The following KCNQ1 variants were observed in gnomAD, a reference collection of about 807,000 sequenced individuals.
The protein encoded by KCNQ1 is potassium voltage-gated channel subfamily Q member 1.
In KCNQ1, 49 loss-of-function variants were observed where a neutral mutation model predicts 72.4. The ratio of observed to expected loss-of-function variants is 0.68; its 90% confidence interval spans 0.54 to 0.86. The LOEUF is 0.86. Among genes scored for constraint, KCNQ1 ranks in the 40% least tolerant of loss-of-function variants. The probability of loss-of-function intolerance (pLI) is 0.00; values close to 1 mark genes in which losing one functional copy is unlikely to be tolerated. For synonymous variants in KCNQ1, 450 were observed against 412.6 expected (o/e 1.09, Z -1.10); for missense variants, 790 against 945.1 (o/e 0.84, Z 2.15).
chr11:2,640,632 G>A (rs1849559132), intron 10 of KCNQ1: 2 of 397,592 alleles, frequency 5.0e-6, no homozygotes, highest in Non-Finnish European at 8.9e-6. Context: ...TGCATCGAAT[G>A]TGTAATGATC....
intron 15 of KCNQ1, among the ~76,000 whole-genome samples, chr11:2,779,718 G>C (rs999880170): frequency 1.3e-5 from 2 of 152,216 alleles, no homozygotes; most frequent in African/African-American, 4.8e-5. Flanking sequence ...GGCAGACAGG[G>C]CCTCCTGAAG....
In KCNQ1 at chr11:2,547,866, G is replaced by C. The variant is rs1465679355; in HGVS notation, c.477+19848G>C. ...CCAGATGTTGGGGTTTCAGGGTCAA[G>C]CATTCCTGGCAGAGAGCATGGCACG... is the stretch of plus-strand genomic sequence containing the variant. On this transcript the variant is annotated intron_variant, in intron 2 of 15. Transcript: ENST00000155840. This position sits in a 1 kb window ranked among gnomAD's most constrained non-coding sequence, Gnocchi z 4.2. Among the ~76,000 whole-genome samples, 1 of 152,224 alleles carries C rather than the reference G, an allele frequency of 6.6e-6. No homozygotes were observed. The highest frequency in any genetic ancestry group is 1.5e-5 in the Non-Finnish European group (1 of 68,046).
At chr11:2,793,008 G>A (rs1847060552) in intron 15 of KCNQ1, among the ~76,000 whole-genome samples, 1 of 152,158 alleles carries the variant, frequency 6.6e-6, no homozygotes, top group African/African-American at 2.4e-5. Context: ...GCGGCAAGGT[G>A]GCTGCCTGTC....
chr11:2,699,962 A>T, intron 11 of KCNQ1: 1 of 398,288 alleles, frequency 2.5e-6, no homozygotes, highest in Non-Finnish European at 4.4e-6. Flanking sequence ...AGCTCCCTGG[A>T]GGTCCGTGCT....
At chr11:2,716,112 C>T (rs1458855288) in intron 11 of KCNQ1, among the ~76,000 whole-genome samples, 2 of 152,192 alleles carry the variant, frequency 1.3e-5, no homozygotes, top group Admixed American at 6.5e-5. Flanking sequence ...TCCTAGCCTC[C>T]CTTGAGCGTT....
rs186288172 is a variant in KCNQ1, at chr11:2,628,840, C to A, written c.1394-33121C>A. Reference sequence around the variant, plus strand: ...TTTAATTTTTTTGCATGTGGATATCCTGGTTTCACAGTGCCATTTATTCAA... The same window carrying A: ...TTTAATTTTTTTGCATGTGGATATCATGGTTTCACAGTGCCATTTATTCAA... On this transcript the variant is annotated intron_variant, in intron 10 of 15. Coordinates refer to ENST00000155840, the MANE Select transcript of KCNQ1 (RefSeq NM_000218.3). The A allele has an allele frequency of 6.0e-5, 24 of 398,236 alleles. No homozygotes were observed. In the South Asian group the frequency reaches 2.9e-3, roughly 49 times the overall value. 24.7% of individuals were successfully genotyped at this position (398,236 alleles called of 1,614,324 possible).
chr11:2,637,173 C>T (rs1032059250), intron 10 of KCNQ1: 4 of 151,722 alleles, frequency 2.6e-5, no homozygotes, highest in Non-Finnish European at 5.9e-5. Context: ...TTTTGTGTCT[C>T]TATCTCCTTC....
At chr11:2,518,273 G>T (rs1395088755) in intron 1 of KCNQ1, among the ~76,000 whole-genome samples, 3 of 152,254 alleles carry the variant, frequency 2.0e-5, no homozygotes, top group Non-Finnish European at 4.4e-5. Flanking sequence ...TGAGAGCCTG[G>T]CAGGGAAGCC....
At chr11:2,455,435 C>G (rs1226276012) in intron 1 of KCNQ1, among the ~76,000 whole-genome samples, 1 of 152,132 alleles carries the variant, frequency 6.6e-6, no homozygotes, top group African/African-American at 2.4e-5. Flanking sequence ...TGTTCAAACT[C>G]AGAGCCAAAT....
Position 2,768,955 on chromosome 11 carries a change from GCCCCT to G in KCNQ1, c.1590+38_1590+42del. On this transcript the variant is annotated intron_variant, in intron 12 of 15. Coordinates refer to ENST00000155840, the MANE Select transcript of KCNQ1 (RefSeq NM_000218.3). The surrounding 1 kb of genome is among the most constrained non-coding windows in gnomAD (Gnocchi z 6.7). ...TGCTGAGCCTTCCTGCCCTCAGCCT[GCCCCT>G]CGCAGCCTGATGCAGCTGCCCACAC... is the stretch of plus-strand genomic sequence containing the variant. 6.6e-7 allele frequency: 1 copy of G among 1,521,014 alleles called. No individual in the cohort carries two copies. Among genetic ancestry groups the G allele is most frequent in the Non-Finnish European group, 9.1e-7 (1 of 1,095,818 alleles). The allele number at this position is 1,521,014 out of a possible 1,614,324, so 94.2% of individuals were successfully genotyped here. A position where few individuals can be genotyped will look rare whatever the true frequency, so the allele number is the denominator to read the frequency against.
At position 2,544,314 on chromosome 11, in the gene KCNQ1, A is replaced by ATATATCTATGTATATATATGTG. The variant is rs1847872189; in HGVS notation, c.477+16300_477+16321dup. On this transcript the variant is annotated intron_variant, in intron 2 of 15. Coordinates refer to ENST00000155840, the MANE Select transcript of KCNQ1 (RefSeq NM_000218.3). This position sits in a 1 kb window ranked among gnomAD's most constrained non-coding sequence, Gnocchi z 4.4. Reference sequence around the variant, plus strand: ...TATATGTATATATGTGTATATATGTATATATCTATGTATATATATGTGTAT... The same window carrying ATATATCTATGTATATATATGTG: ...TATATGTATATATGTGTATATATGTATATATCTATGTATATATATGTGTATATCTATGTATATATATGTGTAT... Among the ~76,000 whole-genome samples, 2 of 148,250 alleles carry ATATATCTATGTATATATATGTG rather than the reference A, an allele frequency of 1.3e-5. No homozygotes were observed. Among genetic ancestry groups the ATATATCTATGTATATATATGTG allele is most frequent in the South Asian group, 4.2e-4 (2 of 4,756 alleles).
chr11:2,841,371 C>T (rs1054864994), intron 15 of KCNQ1, among the ~76,000 whole-genome samples: 9 of 152,158 alleles, frequency 5.9e-5, no homozygotes, highest in Admixed American at 2.0e-4. Context: ...CTCAGCCTGG[C>T]TGTTGCCTGG....
In KCNQ1 at chr11:2,724,525, G is replaced by A. The variant is rs997087421; in HGVS notation, c.1515-44319G>A. Among the ~76,000 whole-genome samples, 1 of 152,200 alleles carries A rather than the reference G, an allele frequency of 6.6e-6. No homozygotes were observed. Among genetic ancestry groups the A allele is most frequent in the Non-Finnish European group, 1.5e-5 (1 of 68,022 alleles). ...AGCGAGCAGGCTGTCCTGCAAGGCC[G>A]TGGCTGCACTGAGGGCAGAAGGGGC... On this transcript the variant is annotated intron_variant, in intron 11 of 15. Coordinates refer to ENST00000155840, the MANE Select transcript of KCNQ1 (RefSeq NM_000218.3). This position sits in a 1 kb window ranked among gnomAD's most constrained non-coding sequence, Gnocchi z 6.8.
In KCNQ1 at chr11:2,826,260, G is replaced by T. The variant is rs762320225; in HGVS notation, c.1795-21507G>T. ...CAGCTGTGACTTGGAAGGAAAGAGGGCCCGGCCTTTGAAAAATGAAGAAAT... is the reference window on the plus strand; with the variant it reads ...CAGCTGTGACTTGGAAGGAAAGAGGTCCCGGCCTTTGAAAAATGAAGAAAT... On this transcript the variant is annotated intron_variant, in intron 15 of 15. Coordinates refer to ENST00000155840, the MANE Select transcript of KCNQ1 (RefSeq NM_000218.3). This position sits in a 1 kb window ranked among gnomAD's most constrained non-coding sequence, Gnocchi z 4.2. 3.3e-5 allele frequency among the ~76,000 whole-genome samples: 5 copies of T among 152,196 alleles called. No individual in the cohort carries two copies. Among genetic ancestry groups the T allele is most frequent in the African/African-American group, 9.6e-5 (4 of 41,454 alleles).
rs538660988 is a variant in KCNQ1, at chr11:2,813,779, C to T, written c.1795-33988C>T. Among the ~76,000 whole-genome samples the T allele has an allele frequency of 2.0e-5, 3 of 151,954 alleles. No homozygotes were observed. Among genetic ancestry groups the T allele is most frequent in the South Asian group, 2.1e-4 (1 of 4,806 alleles). Reference sequence around the variant, plus strand: ...TCACTGCTTGTGGAAAGAATGAGGGCGGGCACATAGGCCTGGGGTGTGGGG... The same window carrying T: ...TCACTGCTTGTGGAAAGAATGAGGGTGGGCACATAGGCCTGGGGTGTGGGG... On this transcript the variant is annotated intron_variant, in intron 15 of 15. Transcript: ENST00000155840. This position sits in a 1 kb window ranked among gnomAD's most constrained non-coding sequence, Gnocchi z 4.4.
At chr11:2,804,523 C>T (rs532171387) in intron 15 of KCNQ1, among the ~76,000 whole-genome samples, 114 of 152,348 alleles carry the variant, frequency 7.5e-4, no homozygotes, top group African/African-American at 2.5e-3. Context: ...GGCTGGGTGT[C>T]ACCCCAGTTT....
At chr11:2,555,543 C>G (rs952977258) in intron 2 of KCNQ1, among the ~76,000 whole-genome samples, 1 of 152,240 alleles carries the variant, frequency 6.6e-6, no homozygotes, top group Non-Finnish European at 1.5e-5. Context: ...ATGGGCTCCC[C>G]CACCACAAAT....
chr11:2,777,403 G>T (rs1194417688), intron 14 of KCNQ1, among the ~76,000 whole-genome samples: 1 of 152,098 alleles, frequency 6.6e-6, no homozygotes, highest in Non-Finnish European at 1.5e-5. Context: ...TATGGGTGGG[G>T]GCCTTGCAGG....
At position 2,847,875 on chromosome 11, in the gene KCNQ1, G is replaced by A. The variant is rs199473484; in HGVS notation, c.1903G>A (p.Gly635Arg). 115 of 1,579,432 alleles carry A rather than the reference G, an allele frequency of 7.3e-5. No homozygotes were observed. The highest frequency in any genetic ancestry group is 9.3e-5 in the Non-Finnish European group (108 of 1,163,022). The change falls in exon 16 of 16, where the codon GGG (glycine) becomes AGG (arginine). Residue 635 changes from glycine (G) to arginine (R), a missense_variant. Physicochemically the swap from Gly to Arg is moderately radical, Grantham distance 125 (BLOSUM62 -2). Coordinates refer to ENST00000155840, the MANE Select transcript of KCNQ1 (RefSeq NM_000218.3). ...CAGCGGCGGCCCCCCCAGAGAGGGC[G>A]GGGCCCACATCACCCAGCCCTGCGG... ...PGSGGPPREG[G>R]AHITQPCGSG... is the part of the protein sequence containing the mutation.
Sources: gnomAD v4.1 joint callset for allele counts (sites outside exome capture counted in the v4.1 genomes callset) on GRCh38, gnomAD v4.1.1 for gene constraint, Gnocchi (gnomAD v3.1) non-coding constraint, MANE v1.5 for transcripts, NCBI Gene and HGNC (gene_info 2026-07-23, HGNC 2026-07-21) for gene names.